DPY19L4: variants seen among roughly 807,000 people sequenced by gnomAD.
The protein encoded by DPY19L4 is probable C-mannosyltransferase DPY19L4.
Under a neutral mutation model 102.8 loss-of-function variants are expected in DPY19L4, and 97 were observed. That is an observed-to-expected ratio of 0.94 (90% CI 0.80 to 1.12). The LOEUF (loss-of-function observed/expected upper bound fraction) is 1.12, where lower values mean the gene tolerates loss of function less well. Among genes scored for constraint, DPY19L4 ranks in the 50% most tolerant of loss-of-function variants. The pLI is 0.00. For missense variants in DPY19L4, 815 were observed against 850.4 expected (o/e 0.96, Z 0.52); for synonymous variants, 252 against 283.1 (o/e 0.89, Z 1.10).
chr8:94,743,744 G>A (rs1055427555), intron 6 of DPY19L4, among the ~76,000 whole-genome samples: 1 of 152,254 alleles, frequency 6.6e-6, no homozygotes. Context: ...AGTGGCTCAC[G>A]CCTGTAATCC....
chr8:94,759,429 A>G (rs1276636057), intron 7 of DPY19L4, among the ~76,000 whole-genome samples: 3 of 151,614 alleles, frequency 2.0e-5, no homozygotes, highest in Non-Finnish European at 4.4e-5. Context: ...CAACCCAGGA[A>G]GTTCAGCTGG....
At chr8:94,739,295 T>G (rs1811329534) in intron 4 of DPY19L4, 118 bp from the exon 5 acceptor site, 4 of 1,225,814 alleles carry the variant, frequency 3.3e-6, no homozygotes, top group Middle Eastern at 2.9e-4. Flanking sequence ...AAATGCAGCA[T>G]GGAGTATTCT....
chr8:94,747,320 TG>T (rs1024247320), intron 6 of DPY19L4, among the ~76,000 whole-genome samples: 5 of 152,018 alleles, frequency 3.3e-5, no homozygotes, highest in African/African-American at 1.2e-4. Context: ...CCCAAAGTGT[TG>T]GGATTACAGA....
At chr8:94,750,581 A>G (rs559873915) in intron 6 of DPY19L4, among the ~76,000 whole-genome samples, 49 of 152,044 alleles carry the variant, frequency 3.2e-4, no homozygotes, top group South Asian at 1.9e-3. Context: ...GTGTGTGTAT[A>G]TATATGCAAA....
At chr8:94,720,076 G>A (rs1810388358) in intron 1 of DPY19L4, 62 bp downstream of exon 1, 2 of 1,507,106 alleles carry the variant, frequency 1.3e-6, no homozygotes, top group African/African-American at 2.9e-5. Flanking sequence ...GAGGGGCGGG[G>A]GCGCTGGAGG....
In DPY19L4 at chr8:94,780,415, G is replaced by A. The variant is rs750310153; in HGVS notation, c.1632G>A (p.Glu544=). The change falls in exon 15 of 19, where the codon GAG becomes GAA. Residue 544 remains glutamate, a splice_region_variant and synonymous_variant. Transcript: ENST00000414645. ...TAATAGGTCTCAGCTTATGGAAAGA[G>A]GTAAAAAAATTAGATTTTTATATTA... ...PTIIGLSLWK[E]FFPRLMTELM... is the part of the protein sequence containing the mutation. 1.0e-5 allele frequency: 15 copies of A among 1,448,920 alleles called. No individual in the cohort carries two copies. Among genetic ancestry groups the A allele is most frequent in the Non-Finnish European group, 1.4e-5 (15 of 1,084,750 alleles). The allele number at this position is 1,448,920 out of a possible 1,614,324, so 89.8% of individuals were successfully genotyped here.
At position 94,726,445 on chromosome 8, in the gene DPY19L4, A is replaced by T. The variant is rs1410080264; in HGVS notation, c.127+4A>T. ...ATTCCTGAAAGAGCTCCAAAACGTA[A>T]GTTAGATAGACTTGGAATTTGTGCT... On this transcript the variant is annotated splice_donor_region_variant and intron_variant, in intron 2 of 18. Coordinates refer to ENST00000414645, the MANE Select transcript of DPY19L4 (RefSeq NM_181787.3). 6.3e-7 allele frequency: 1 copy of T among 1,595,900 alleles called. No homozygotes were observed. The highest frequency in any genetic ancestry group is 1.8e-5 in the Admixed American group (1 of 55,238).
chr8:94,760,786 C>T (rs7830822), intron 7 of DPY19L4, among the ~76,000 whole-genome samples: 40,257 of 152,044 alleles, frequency 0.26, 5,621 homozygotes, highest in African/African-American at 0.36. Context: ...TTGTTGCATA[C>T]GTTATGGGAT....
At chr8:94,731,792 C>G in intron 2 of DPY19L4, among the ~76,000 whole-genome samples, 1 of 152,134 alleles carries the variant, frequency 6.6e-6, no homozygotes. Flanking sequence ...CGCTCTGTTG[C>G]CCAGGCTGGA....
intron 7 of DPY19L4, among the ~76,000 whole-genome samples, chr8:94,759,481 T>C (rs1812308541): frequency 1.3e-5 from 2 of 149,392 alleles, no homozygotes; most frequent in Admixed American, 6.7e-5. Context: ...TGTGAGCCAC[T>C]GTGCCTGGTC....
At chr8:94,744,733 A>G (rs571573874) in intron 6 of DPY19L4, 1 of 350,946 alleles carries the variant, frequency 2.8e-6, no homozygotes, top group East Asian at 7.4e-5. Context: ...CTCTTTAGAG[A>G]TCTTAGTGAG....
chr8:94,756,184 G>A, intron 7 of DPY19L4, 25 bp downstream of exon 7: 1 of 1,603,682 alleles, frequency 6.2e-7, no homozygotes, highest in Non-Finnish European at 8.5e-7. Context: ...TGTTTTATCT[G>A]TTGCAGCTAA....
chr8:94,756,504 T>C (rs886998972), intron 7 of DPY19L4, among the ~76,000 whole-genome samples: 2 of 152,230 alleles, frequency 1.3e-5, no homozygotes, highest in African/African-American at 4.8e-5. Flanking sequence ...TTTAAAGATA[T>C]ATTAAACAAG....
At chr8:94,736,462 A>T (rs1811192980) in intron 3 of DPY19L4, among the ~76,000 whole-genome samples, 1 of 152,188 alleles carries the variant, frequency 6.6e-6, no homozygotes, top group Non-Finnish European at 1.5e-5. Flanking sequence ...TAACTACAGA[A>T]TTCTTTTTTG....
chr8:94,740,059 G>T (rs1276641725), intron 6 of DPY19L4, among the ~76,000 whole-genome samples: 1 of 152,166 alleles, frequency 6.6e-6, no homozygotes, highest in African/African-American at 2.4e-5. Context: ...AGGATTTTCT[G>T]CACCACTGCA....
At chr8:94,751,987 T>C (rs546958208) in intron 6 of DPY19L4, among the ~76,000 whole-genome samples, 38 of 152,298 alleles carry the variant, frequency 2.5e-4, no homozygotes, top group African/African-American at 8.9e-4. Flanking sequence ...GGATATATCA[T>C]AGTGCATTTA....
chr8:94,750,373 A>G (rs1811864475), intron 6 of DPY19L4, among the ~76,000 whole-genome samples: 1 of 152,212 alleles, frequency 6.6e-6, no homozygotes, highest in Non-Finnish European at 1.5e-5. Flanking sequence ...ATGTTTATTG[A>G]CGTGTATCTT....
chr8:94,788,595 T>C (rs1267705088), intron 18 of DPY19L4, among the ~76,000 whole-genome samples: 1 of 152,122 alleles, frequency 6.6e-6, no homozygotes, highest in African/African-American at 2.4e-5. Context: ...TTTCGGCTGT[T>C]TTACCAAGCT....
intron 6 of DPY19L4, among the ~76,000 whole-genome samples, chr8:94,752,626 C>T (rs931351883): frequency 1.6e-4 from 24 of 145,564 alleles, no homozygotes; most frequent in Admixed American, 7.8e-4. Context: ...TTGTAGCCCA[C>T]AGCCTCGCTA....
Sources: gnomAD v4.1 joint callset for allele counts (sites outside exome capture counted in the v4.1 genomes callset) on GRCh38, gnomAD v4.1.1 for gene constraint, MANE v1.5 for transcripts, NCBI Gene and HGNC (gene_info 2026-07-23, HGNC 2026-07-21) for gene names.